PHF24: variants seen among roughly 807,000 people sequenced by gnomAD.
The protein encoded by PHF24 is PHD finger protein 24, also known as Galpha inhibitory interacting protein.
A neutral mutation model predicts 42.6 loss-of-function variants in PHF24; 25 were observed. That is an observed-to-expected ratio of 0.59 (90% CI 0.43 to 0.82). The LOEUF is 0.82. PHF24 is among the 40% of genes least tolerant of loss of function. The probability of loss-of-function intolerance (pLI) is 0.00; values close to 1 mark genes in which losing one functional copy is unlikely to be tolerated. For missense variants in PHF24, 470 were observed against 538.1 expected, an observed-to-expected ratio of 0.87 and a Z score of 1.25; for synonymous variants, 185 against 204.8, an observed-to-expected ratio of 0.90 and a Z score of 0.83.
At chr9:34,768,828 A>C in the PHF24 span, among the ~76,000 whole-genome samples, 5 of 151,992 alleles carry the variant, frequency 3.3e-5, no homozygotes, top group Admixed American at 3.3e-4. Flanking sequence ...ACTATTGGAA[A>C]GTGGTATGAC....
chr9:34,824,361 A>G, the PHF24 span, among the ~76,000 whole-genome samples: 65 of 152,228 alleles, frequency 4.3e-4, no homozygotes, highest in Non-Finnish European at 8.5e-4. Context: ...TATATGACAC[A>G]TATGTGTGCA....
At chr9:34,703,528 A>C in the PHF24 span, among the ~76,000 whole-genome samples, 1 of 151,972 alleles carries the variant, frequency 6.6e-6, no homozygotes, top group African/African-American at 2.4e-5. Flanking sequence ...GTTGTTGGTA[A>C]TCACAGCCCT....
chr9:34,917,437 CCCTTTCCGTAAGGAT>C, the PHF24 span: 4 of 768,352 alleles, frequency 5.2e-6, no homozygotes, highest in Non-Finnish European at 7.3e-6. Context: ...TGTTTAAGGA[CCCTTTCCGTAAGGAT>C]CCTAACAAGC....
the PHF24 span, among the ~76,000 whole-genome samples, chr9:34,733,042 T>C: frequency 6.6e-6 from 1 of 152,208 alleles, no homozygotes; most frequent in South Asian, 2.1e-4. Context: ...TAGGAGAAAT[T>C]CCTAAGAGTT....
the PHF24 span, among the ~76,000 whole-genome samples, chr9:34,692,927 C>T: frequency 5.3e-5 from 8 of 151,858 alleles, no homozygotes; most frequent in African/African-American, 1.9e-4. Flanking sequence ...GCTGGGATTA[C>T]AGGCACCCAC....
At chr9:34,873,680 T>G in the PHF24 span, among the ~76,000 whole-genome samples, 3 of 149,942 alleles carry the variant, frequency 2.0e-5, no homozygotes, top group Admixed American at 6.7e-5. Flanking sequence ...ATTGACTTGG[T>G]GGTGTGGGCT....
At chr9:34,689,726 C>T in the PHF24 span, 1 of 1,468,634 alleles carries the variant, frequency 6.8e-7, no homozygotes, top group Non-Finnish European at 9.5e-7. The surrounding 1 kb of genome is among the most constrained non-coding windows in gnomAD (Gnocchi z 4.1). Flanking sequence ...GAGCTGGAAG[C>T]CTGGTCCTTC....
chr9:34,933,273 A>C, the PHF24 span, among the ~76,000 whole-genome samples: 2 of 152,214 alleles, frequency 1.3e-5, no homozygotes, highest in African/African-American at 4.8e-5. Context: ...AATCAAGTAG[A>C]GGCAATGAGA....
At chr9:34,768,386 G>A in the PHF24 span, among the ~76,000 whole-genome samples, 9 of 152,270 alleles carry the variant, frequency 5.9e-5, no homozygotes, top group Non-Finnish European at 1.3e-4. Context: ...ATGCTATTCT[G>A]GGGTGTATGT....
At chr9:34,723,639 G>C in the PHF24 span, 1 of 1,551,658 alleles carries the variant, frequency 6.4e-7, no homozygotes, top group Non-Finnish European at 8.7e-7. Context: ...GGCTTCTTTT[G>C]AGCATGGACT....
the PHF24 span, among the ~76,000 whole-genome samples, chr9:34,796,854 A>G: frequency 6.6e-6 from 1 of 152,198 alleles, no homozygotes; most frequent in Non-Finnish European, 1.5e-5. Context: ...TCACACAAAA[A>G]CTTGTTATAC....
the PHF24 span, among the ~76,000 whole-genome samples, chr9:34,826,225 C>T: frequency 6.6e-6 from 1 of 152,208 alleles, no homozygotes; most frequent in South Asian, 2.1e-4. Flanking sequence ...CCTGGTCAGC[C>T]CTGTGAGGCA....
chr9:34,838,756 T>C, the PHF24 span, among the ~76,000 whole-genome samples: 1 of 152,216 alleles, frequency 6.6e-6, no homozygotes, highest in African/African-American at 2.4e-5. Context: ...CTAGTCTGTC[T>C]TCACTTTCCA....
Position 34,972,314 on chromosome 9 carries a change from C to T in PHF24, c.379-32C>T, listed in dbSNP as rs755194052. 1.6e-5 allele frequency: 25 copies of T among 1,566,502 alleles called. No homozygotes were observed. In the East Asian group the frequency reaches 3.4e-4, roughly 21 times the overall value. ...TGGAATCTTGCTGCCTACATTTACA[C>T]ATCCCTGTTTCCTCCTGCCATCTTT... On this transcript the variant is annotated intron_variant, in intron 2 of 7. Coordinates refer to ENST00000242315, the Ensembl canonical transcript of PHF24.
At chr9:34,676,792 T>A in the PHF24 span, among the ~76,000 whole-genome samples, 1 of 152,122 alleles carries the variant, frequency 6.6e-6, no homozygotes, top group Non-Finnish European at 1.5e-5. Flanking sequence ...GGAGCAGGCA[T>A]CTCATATGGC....
At chr9:34,680,931 T>C in the PHF24 span, 1 of 152,240 alleles carries the variant, frequency 6.6e-6, no homozygotes, top group Non-Finnish European at 1.5e-5. Flanking sequence ...TTACTACTAC[T>C]CAGCAAGATT....
the PHF24 span, among the ~76,000 whole-genome samples, chr9:34,818,278 A>G: frequency 0.6 from 91,792 of 152,044 alleles, 28,038 homozygotes; most frequent in Middle Eastern, 0.65. Context: ...AAAGTGTTCA[A>G]TCTTTTACCA....
the PHF24 span, among the ~76,000 whole-genome samples, chr9:34,825,589 G>T: frequency 6.6e-6 from 1 of 151,868 alleles, no homozygotes; most frequent in African/African-American, 2.4e-5. Context: ...GTTTGCTCGA[G>T]CATGTCTGAT....
the PHF24 span, among the ~76,000 whole-genome samples, chr9:34,843,863 T>C: frequency 3.9e-5 from 6 of 152,124 alleles, no homozygotes; most frequent in Non-Finnish European, 1.5e-5. Flanking sequence ...TGAACCACCA[T>C]GTCAGACCAG....
Sources: gnomAD v4.1 joint callset for allele counts (sites outside exome capture counted in the v4.1 genomes callset) on GRCh38, gnomAD v4.1.1 for gene constraint, Gnocchi (gnomAD v3.1) non-coding constraint, MANE v1.5 for transcripts, NCBI Gene and HGNC (gene_info 2026-07-23, HGNC 2026-07-21) for gene names.